SBF2: variants seen among roughly 807,000 people sequenced by gnomAD.
The protein encoded by SBF2 is SET binding factor 2, also known as myotubularin-related protein 13.
In SBF2, 112 loss-of-function variants were observed where a neutral mutation model predicts 225.2. The observed-to-expected ratio is 0.50, with a 90% CI of 0.43 to 0.58. The LOEUF is 0.58. Ranked by LOEUF, SBF2 falls within the 20% of genes least tolerant of loss-of-function variation. The pLI, the probability that SBF2 is intolerant of heterozygous loss-of-function variation, is 0.00. For missense variants in SBF2, 1,996 were observed against 2,206.2 expected (o/e 0.90, Z 1.91); for synonymous variants, 763 against 773.3 (o/e 0.99, Z 0.22).
At chr11:10,291,355 T>C (rs1964145758) in intron 1 of SBF2, among the ~76,000 whole-genome samples, 1 of 152,122 alleles carries the variant, frequency 6.6e-6, no homozygotes, top group Non-Finnish European at 1.5e-5. Flanking sequence ...TGAGGAAGCA[T>C]GTCCTCACCA....
At chr11:9,821,515 G>C (rs985936150) in intron 28 of SBF2, among the ~76,000 whole-genome samples, 1 of 152,134 alleles carries the variant, frequency 6.6e-6, no homozygotes, top group Admixed American at 6.5e-5. Flanking sequence ...TTTAACCAAA[G>C]GAATTAGACT....
chr11:10,142,818 C>G (rs11042643), intron 2 of SBF2, among the ~76,000 whole-genome samples: 25,053 of 152,152 alleles, frequency 0.16, 2,509 homozygotes, highest in East Asian at 0.22. Context: ...ACAACTATTT[C>G]ACTTCTGTTT....
Position 9,845,744 on chromosome 11 carries a change from G to C in SBF2, c.2935-4C>G. ...CATCAAATGCTACCTTAATCAACTA[G>C]AAGCAAAAGAGATTAAACACAAAAG... is the stretch of plus-strand genomic sequence containing the variant. On this transcript the variant is annotated splice_polypyrimidine_tract_variant and splice_region_variant and intron_variant, in intron 23 of 39. Transcript: ENST00000256190. 1 of 1,613,268 alleles carries C rather than the reference G, an allele frequency of 6.2e-7. No homozygotes were observed. The highest frequency in any genetic ancestry group is 8.5e-7 in the Non-Finnish European group (1 of 1,179,334).
chr11:9,819,314 A>G (rs1564881907), intron 28 of SBF2: 1 of 152,236 alleles, frequency 6.6e-6, no homozygotes, highest in East Asian at 1.9e-4. Flanking sequence ...CTGGTAGGTA[A>G]GATTAAAGAC....
At chr11:10,195,632 C>T (rs930638326) in intron 1 of SBF2, among the ~76,000 whole-genome samples, 7 of 152,244 alleles carry the variant, frequency 4.6e-5, no homozygotes, top group Non-Finnish European at 1.0e-4. Flanking sequence ...GCAACTTCTC[C>T]CTTGCCCCTC....
chr11:9,924,567 G>T (rs1186019446), intron 16 of SBF2, among the ~76,000 whole-genome samples: 1 of 151,944 alleles, frequency 6.6e-6, no homozygotes, highest in South Asian at 2.1e-4. Context: ...GAGTAGCTGG[G>T]ATTACAGGCA....
intron 12 of SBF2, among the ~76,000 whole-genome samples, chr11:9,992,180 T>C (rs1471217298): frequency 6.6e-6 from 1 of 152,190 alleles, no homozygotes; most frequent in Non-Finnish European, 1.5e-5. Flanking sequence ...TGTTCAATTA[T>C]TTAAAATTCA....
intron 28 of SBF2, among the ~76,000 whole-genome samples, chr11:9,818,196 C>T (rs1457397821): frequency 6.6e-6 from 1 of 152,184 alleles, no homozygotes; most frequent in Non-Finnish European, 1.5e-5. Context: ...CTGCCTGCCT[C>T]AGCCTCCCAA....
chr11:9,941,152 A>G (rs1214159187), intron 16 of SBF2, among the ~76,000 whole-genome samples: 2 of 152,104 alleles, frequency 1.3e-5, no homozygotes, highest in African/African-American at 4.8e-5. Context: ...TCTACAAAAA[A>G]ATAAAAAAAT....
At chr11:10,080,149 G>A (rs1951302428) in intron 2 of SBF2, among the ~76,000 whole-genome samples, 1 of 150,496 alleles carries the variant, frequency 6.6e-6, no homozygotes, top group Admixed American at 6.7e-5. Context: ...TTGGAAGGCT[G>A]AGGCAGGAGA....
At chr11:10,253,017 A>G (rs1270633901) in intron 1 of SBF2, among the ~76,000 whole-genome samples, 1 of 149,780 alleles carries the variant, frequency 6.7e-6, no homozygotes, top group African/African-American at 2.5e-5. Context: ...CAAACTGTTC[A>G]TTGCTCAATT....
At chr11:10,015,566 C>T (rs534909597) in intron 6 of SBF2, among the ~76,000 whole-genome samples, 32 of 152,250 alleles carry the variant, frequency 2.1e-4, no homozygotes, top group Non-Finnish European at 3.4e-4. Flanking sequence ...CTGAGGTTAT[C>T]GTGGTCCACC....
At chr11:9,960,032 C>T (rs1483997414) in intron 16 of SBF2, 1 of 270,720 alleles carries the variant, frequency 3.7e-6, no homozygotes, top group Non-Finnish European at 7.3e-6. Context: ...GTTGTCTAGG[C>T]TGGAGTTCAG....
At chr11:10,214,169 G>A (rs1958040172) in intron 1 of SBF2, among the ~76,000 whole-genome samples, 1 of 152,098 alleles carries the variant, frequency 6.6e-6, no homozygotes, top group South Asian at 2.1e-4. Flanking sequence ...GGACAATCCT[G>A]TGCAGCAGCA....
intron 13 of SBF2, among the ~76,000 whole-genome samples, chr11:9,980,014 C>T (rs1946875178): frequency 6.6e-6 from 1 of 151,438 alleles, no homozygotes; most frequent in African/African-American, 2.4e-5. Flanking sequence ...CAGAGTCTTG[C>T]TCTGTCATCT....
chr11:10,204,967 A>G (rs1591208716), intron 1 of SBF2, among the ~76,000 whole-genome samples: 1 of 149,674 alleles, frequency 6.7e-6, no homozygotes, highest in East Asian at 2.1e-4. Context: ...ATGACAACAC[A>G]TGGACATAGG....
intron 16 of SBF2, among the ~76,000 whole-genome samples, chr11:9,915,318 G>A (rs573384023): frequency 1.3e-4 from 20 of 152,034 alleles, no homozygotes; most frequent in Admixed American, 9.2e-4. Context: ...GTGGTGGCAC[G>A]TGCCTGTAGT....
At chr11:9,808,657 G>T in intron 31 of SBF2, 1 of 448,556 alleles carries the variant, frequency 2.2e-6, no homozygotes, top group Non-Finnish European at 4.1e-6. Flanking sequence ...GGCTCCATCC[G>T]CAAGCCTGCA....
chr11:10,202,202 C>T (rs528295645), intron 1 of SBF2, among the ~76,000 whole-genome samples: 1 of 152,154 alleles, frequency 6.6e-6, no homozygotes, highest in Non-Finnish European at 1.5e-5. Context: ...TATGGTTGTA[C>T]ATCAACATTT....
Sources: allele counts gnomAD v4.1 joint callset (sites outside exome capture counted in the v4.1 genomes callset), GRCh38; gene constraint gnomAD v4.1.1; transcripts MANE v1.5; gene names NCBI Gene and HGNC (gene_info 2026-07-23, HGNC 2026-07-21).